RELN: variants seen among roughly 807,000 people sequenced by gnomAD.
The protein encoded by RELN is reelin.
RELN carries 108 observed loss-of-function variants against 427.6 expected under a neutral mutation model. The ratio of observed to expected loss-of-function variants is 0.25; its 90% CI spans 0.22 to 0.30. The LOEUF (loss-of-function observed/expected upper bound fraction) is 0.30, where lower values mean the gene tolerates loss of function less well. RELN is among the 10% of genes least tolerant of loss of function. RELN has a pLI of 1.00. For missense variants in RELN, 3,715 were observed against 4,302.8 expected (o/e 0.86, Z 3.82); for synonymous variants, 1,524 against 1,513.4 (o/e 1.01, Z -0.16).
At chr7:103,942,317 C>A (rs1014023835) in intron 1 of RELN, among the ~76,000 whole-genome samples, 1 of 152,176 alleles carries the variant, frequency 6.6e-6, no homozygotes, top group Non-Finnish European at 1.5e-5. Flanking sequence ...AATCCCTTGG[C>A]AACCCCCATT....
At chr7:103,843,405 T>C (rs1793601602) in intron 2 of RELN, among the ~76,000 whole-genome samples, 1 of 152,106 alleles carries the variant, frequency 6.6e-6, no homozygotes, top group African/African-American at 2.4e-5. Context: ...CCAAGGATAA[T>C]AGGACTAGTG....
chr7:103,861,894 C>T, intron 2 of RELN, among the ~76,000 whole-genome samples: 1 of 152,068 alleles, frequency 6.6e-6, no homozygotes, highest in East Asian at 1.9e-4. Context: ...AATGTAAGAT[C>T]AACTACAGGG....
chr7:103,618,986 C>T lies in RELN; in HGVS notation c.2703-7183G>A, dbSNP rs1028693151. ...AACCAAAATTAGCCAGGCATGGTGG[C>T]GGGCACCTGTAGTCCCAGCTACTTG... On this transcript the variant is annotated intron_variant, in intron 20 of 64. Transcript: ENST00000428762. Among the ~76,000 whole-genome samples the T allele has an allele frequency of 6.6e-5, 10 of 151,884 alleles. No individual in the cohort carries two copies. The East Asian group carries it at 7.8e-4, about 12-fold the overall frequency.
chr7:103,483,728 A>T lies in RELN; in HGVS notation c.10106T>A (p.Ile3369Asn). The change falls in exon 62 of 65, where the codon ATC becomes AAC. Residue 3369 changes from isoleucine to asparagine, a missense_variant. Ile to Asn is a moderately radical substitution (Grantham distance 149, BLOSUM62 -3). This residue lies in a region of RELN where 195 missense variants were observed against 281.3 expected (regional missense o/e 0.69). Coordinates refer to ENST00000428762, the MANE Select transcript of RELN (RefSeq NM_005045.4). ...VLLQYSVNNG[I>N]TWHVIAQHQP... ...GTGCTGGGCGATGACATGCCAGGTGATCCCGTTGTTGACGCTGTATTGCAG... is the reference window on the plus strand; with the variant it reads ...GTGCTGGGCGATGACATGCCAGGTGTTCCCGTTGTTGACGCTGTATTGCAG... The T allele has an allele frequency of 1.2e-6, 2 of 1,614,168 alleles. No homozygotes were observed. Among genetic ancestry groups the T allele is most frequent in the Non-Finnish European group, 1.7e-6 (2 of 1,180,002 alleles).
In RELN at chr7:103,489,809, G is replaced by A; in HGVS notation, c.9696C>T (p.Pro3232=). The change falls in exon 60 of 65, where the codon CCC becomes CCT. Residue 3232 remains proline (P), a synonymous_variant. Transcript: ENST00000428762. ...AGTATCCGTGCCCGCTGCAGAGCTT[G>A]GGGCAAGCCTCTCCAATGTACACGT... ...IDHVYIGEAC[P]KLCSGHGYCT... The A allele has an allele frequency of 6.2e-7, 1 of 1,614,172 alleles. No homozygotes were observed. Among genetic ancestry groups the A allele is most frequent in the Non-Finnish European group, 8.5e-7 (1 of 1,180,016 alleles).
At position 103,545,191 on chromosome 7, in the gene RELN, A is replaced by G; in HGVS notation, c.6456T>C (p.Pro2152=). The G allele has an allele frequency of 6.2e-7, 1 of 1,614,174 alleles. No homozygotes were observed. The highest frequency in any genetic ancestry group is 2.2e-5 in the East Asian group (1 of 44,888). Residue 2152 remains proline (P), a synonymous_variant, in exon 42 of 65, where the codon CCT becomes CCC. Transcript: ENST00000428762. ...CINGTKCICD[P]GYSGPTCKIS... is the part of the protein sequence containing the mutation. ...TTTTACAGGTTGGACCTGAGTAGCC[A>G]GGGTCACATATACATTTGGTTCCAT...
intron 63 of RELN, among the ~76,000 whole-genome samples, chr7:103,480,721 T>C (rs1301143352): frequency 3.9e-5 from 6 of 152,344 alleles, no homozygotes; most frequent in African/African-American, 7.2e-5. Flanking sequence ...AAATTATATA[T>C]ACATAAAAGC....
chr7:103,826,319 A>AGTGTGTGTGTGT (rs768090469), intron 3 of RELN, among the ~76,000 whole-genome samples: 3,720 of 137,504 alleles, frequency 0.027, 90 homozygotes, highest in South Asian at 0.044. Context: ...AGACTAAGAC[A>AGTGTGTGTGTGT]ATGTGTGTGT....
intron 28 of RELN, among the ~76,000 whole-genome samples, chr7:103,583,330 A>T (rs1049207620): frequency 6.6e-6 from 1 of 152,180 alleles, no homozygotes; most frequent in Non-Finnish European, 1.5e-5. Context: ...TCCCCTAAAA[A>T]AATCCCCTCT....
intron 8 of RELN, among the ~76,000 whole-genome samples, chr7:103,709,896 G>A (rs1789750970): frequency 6.6e-6 from 1 of 152,050 alleles, no homozygotes; most frequent in East Asian, 1.9e-4. Flanking sequence ...GTCCCTATAA[G>A]ACAAGGCAAA....
At chr7:103,965,978 T>C (rs944586720) in intron 1 of RELN, among the ~76,000 whole-genome samples, 1 of 152,136 alleles carries the variant, frequency 6.6e-6, no homozygotes, top group African/African-American at 2.4e-5. Context: ...TTAAGAAAAA[T>C]TAAGTCCTCA....
intron 2 of RELN, among the ~76,000 whole-genome samples, chr7:103,908,915 G>C (rs1009520899): frequency 7.9e-5 from 12 of 152,126 alleles, no homozygotes; most frequent in Non-Finnish European, 1.3e-4. Context: ...GAGTCTTCTT[G>C]TTAATTACAG....
chr7:103,545,280 T>C lies in RELN; in HGVS notation c.6367A>G (p.Ile2123Val). The change falls in exon 42 of 65, where the codon ATT becomes GTT. Residue 2123 changes from isoleucine to valine, a missense_variant. This residue lies in a region of RELN where 1,310 missense variants were observed against 1,643.0 expected (regional missense o/e 0.80). Transcript: ENST00000428762. Reference protein sequence around the residue: ...PAGSQPVTWAIDNVYIGPQCE... With the variant: ...PAGSQPVTWAVDNVYIGPQCE... ...TGGGGACCGATGTAGACATTATCAA[T>C]GGCCCATGTCACTGGCTGAGAGCCG... is the stretch of plus-strand genomic sequence containing the variant. The C allele has an allele frequency of 1.2e-6, 2 of 1,614,158 alleles. No homozygotes were observed. The highest frequency in any genetic ancestry group is 1.3e-5 in the African/African-American group (1 of 75,048).
rs563364010 is a variant in RELN at position 103,973,669 on chromosome 7, A to G, written c.226+15462T>C. Among the ~76,000 whole-genome samples, 3 of 152,306 alleles carry G rather than the reference A, an allele frequency of 2.0e-5. No individual in the cohort carries two copies. The East Asian group carries it at 5.8e-4, about 29-fold the overall frequency. On this transcript the variant is annotated intron_variant, in intron 1 of 64. Transcript: ENST00000428762. The stretch of plus-strand genomic sequence containing the variant: ...TGAAATATTTATAGATTTTTAAGTT[A>G]TGCTACAGCATACAGTAAAATGTTG...
At chr7:103,795,010 T>TG (rs1792265162) in intron 3 of RELN, among the ~76,000 whole-genome samples, 1 of 152,232 alleles carries the variant, frequency 6.6e-6, no homozygotes, top group East Asian at 1.9e-4. Context: ...GTTTCAAATT[T>TG]GGCTCATGTC....
At chr7:103,817,561 C>T (rs1297453369) in intron 3 of RELN, among the ~76,000 whole-genome samples, 1 of 152,106 alleles carries the variant, frequency 6.6e-6, no homozygotes, top group African/African-American at 2.4e-5. Context: ...GTACAAGAAA[C>T]CATGATGTCA....
chr7:103,878,664 C>T (rs1794539601), intron 2 of RELN, among the ~76,000 whole-genome samples: 1 of 152,130 alleles, frequency 6.6e-6, no homozygotes, highest in African/African-American at 2.4e-5. Context: ...ACAGATATAT[C>T]AAAAATTACA....
At chr7:103,911,075 C>A (rs983218897) in intron 2 of RELN, among the ~76,000 whole-genome samples, 10 of 143,972 alleles carry the variant, frequency 6.9e-5, no homozygotes, top group Non-Finnish European at 1.5e-4. Context: ...CAACCTACAA[C>A]ATGGGAGAAA....
intron 2 of RELN, among the ~76,000 whole-genome samples, chr7:103,900,012 C>T (rs1200587259): frequency 1.3e-5 from 2 of 152,138 alleles, no homozygotes; most frequent in Admixed American, 1.3e-4. Flanking sequence ...CAAATAGTCC[C>T]TGTTTGCAGT....
Sources: gnomAD v4.1 joint callset for allele counts (sites outside exome capture counted in the v4.1 genomes callset) on GRCh38, gnomAD v4.1.1 for gene constraint, gnomAD v4.1.1 regional missense constraint, MANE v1.5 for transcripts, NCBI Gene and HGNC (gene_info 2026-07-23, HGNC 2026-07-21) for gene names.